The following SH3KBP1 variants were observed in gnomAD, a reference collection of about 807,000 sequenced individuals.
SH3KBP1 encodes SH3 domain containing kinase binding protein 1, also known as SH3 domain-containing kinase-binding protein 1.
A neutral mutation model predicts 50.1 loss-of-function variants in SH3KBP1; 8 were observed. The observed-to-expected ratio is 0.16, with a 90% CI of 0.09 to 0.29. The LOEUF (loss-of-function observed/expected upper bound fraction) is 0.29. SH3KBP1 is among the 10% of genes least tolerant of loss of function. SH3KBP1 has a pLI of 1.00. For synonymous variants in SH3KBP1, 227 were observed against 218.6 expected (o/e 1.04, Z -0.34); for missense variants, 377 against 535.2 (o/e 0.70, Z 2.92).
intron 2 of SH3KBP1, among the ~76,000 whole-genome samples, chrX:19,797,053 T>C: frequency 8.9e-6 from 1 of 112,675 alleles, no homozygotes; most frequent in Non-Finnish European, 1.9e-5. Context: ...AGTTAAGAGC[T>C]GGGGATATGG....
At position 19,754,597 on chromosome X, in the gene SH3KBP1, A is replaced by G. The variant is rs751802860; in HGVS notation, c.163-8156T>C. On this transcript the variant is annotated intron_variant, in intron 2 of 17. Transcript: ENST00000397821. Reference sequence around the variant, plus strand: ...ATTCTCCTGTCTCAGTCTGCCTAGTAGCTGGGATTACAGGCACCCACCACC... The same window carrying G: ...ATTCTCCTGTCTCAGTCTGCCTAGTGGCTGGGATTACAGGCACCCACCACC... Among the ~76,000 whole-genome samples the G allele has an allele frequency of 2.7e-5, 3 of 111,584 alleles. No homozygotes were observed. In the South Asian group the frequency reaches 1.1e-3, roughly 42 times the overall value.
chrX:19,559,496 G>GT (rs1161431388), intron 13 of SH3KBP1, among the ~76,000 whole-genome samples: 10 of 105,604 alleles, frequency 9.5e-5, no homozygotes, highest in Non-Finnish European at 1.9e-4. Context: ...CCACCTAAAA[G>GT]TTTTTTGTAT....
At chrX:19,661,907 G>A (rs1177542144) in intron 6 of SH3KBP1, among the ~76,000 whole-genome samples, 1 of 111,551 alleles carries the variant, frequency 9.0e-6, no homozygotes, top group Non-Finnish European at 1.9e-5. Context: ...GATTACAGGT[G>A]TGAGCCACTG....
chrX:19,615,202 A>G (rs1315108986), intron 8 of SH3KBP1, among the ~76,000 whole-genome samples: 3 of 112,709 alleles, frequency 2.7e-5, no homozygotes, highest in African/African-American at 9.7e-5. Context: ...TTTGAGTTCA[A>G]ATGGGAACAT....
chrX:19,763,725 T>C (rs2065500855), intron 2 of SH3KBP1, among the ~76,000 whole-genome samples: 1 of 111,991 alleles, frequency 8.9e-6, no homozygotes, highest in African/African-American at 3.2e-5. Flanking sequence ...AAGATTATTT[T>C]AAAAGTACAA....
intron 3 of SH3KBP1, among the ~76,000 whole-genome samples, chrX:19,717,552 A>T (rs1209306432): frequency 8.9e-6 from 1 of 111,778 alleles, no homozygotes; most frequent in Non-Finnish European, 1.9e-5. Flanking sequence ...TGGGCAACGG[A>T]GTGAGACTCT....
rs2064675635 is a variant in SH3KBP1, at chrX:19,535,164, T to C, written c.*1253A>G. 1.4e-5 allele frequency: 4 copies of C among 292,748 alleles called. No individual in the cohort carries two copies. The highest frequency in any genetic ancestry group is 1.2e-5 in the Non-Finnish European group (2 of 167,566). The allele number at this position is 292,748 out of a possible 1,213,427, so 24.1% of individuals were successfully genotyped here. On this transcript the variant is annotated 3_prime_UTR_variant, in exon 18 of 18. Transcript: ENST00000397821. ...ACAGTTACATAGTCTAAGGCTGAAC[T>C]GTTCATGTACTACAAAGATAAAGCG...
chrX:19,637,634 T>C lies in SH3KBP1; in HGVS notation c.803-5676A>G, dbSNP rs114689215. ...TTGGGGTATGTTTCCCAATCAATCA[T>C]CCCTGATAAGAATTTTGTGGGGCAC... is the stretch of plus-strand genomic sequence containing the variant. On this transcript the variant is annotated intron_variant, in intron 7 of 17. Transcript: ENST00000397821. Among the ~76,000 whole-genome samples the C allele has an allele frequency of 3.4e-3, 383 of 111,173 alleles. 1 individual carries two copies. The highest frequency in any genetic ancestry group is 0.012 in the African/African-American group (373 of 30,544).
chrX:19,593,455 T>C (rs900274324), intron 10 of SH3KBP1, among the ~76,000 whole-genome samples: 1 of 111,190 alleles, frequency 9.0e-6, no homozygotes, highest in Non-Finnish European at 1.9e-5. Flanking sequence ...GCAAGGAAAG[T>C]TGACGAGGGA....
At chrX:19,574,638 C>T (rs1690634993) in intron 12 of SH3KBP1, among the ~76,000 whole-genome samples, 1 of 112,188 alleles carries the variant, frequency 8.9e-6, no homozygotes, top group Non-Finnish European at 1.9e-5. Flanking sequence ...GCCCCAATGA[C>T]CTAATCACTT....
intron 8 of SH3KBP1, among the ~76,000 whole-genome samples, chrX:19,628,441 AG>A (rs916887522): frequency 9.0e-6 from 1 of 111,021 alleles, no homozygotes; most frequent in African/African-American, 3.3e-5. Flanking sequence ...TCAGACTCAG[AG>A]GGGGTAAGCA....
At chrX:19,886,735 G>A (rs771066417) in intron 1 of SH3KBP1, among the ~76,000 whole-genome samples, 1 of 110,975 alleles carries the variant, frequency 9.0e-6, no homozygotes, top group South Asian at 3.9e-4. Flanking sequence ...GGGGGCGCAA[G>A]GAGAGGAGCG....
intron 4 of SH3KBP1, among the ~76,000 whole-genome samples, chrX:19,705,698 A>G (rs2148670350): frequency 9.0e-6 from 1 of 111,611 alleles, no homozygotes; most frequent in East Asian, 2.8e-4. Flanking sequence ...TTATGAGGCT[A>G]GTTTACAACT....
chrX:19,636,368 C>T (rs2061703968), intron 7 of SH3KBP1, among the ~76,000 whole-genome samples: 1 of 108,528 alleles, frequency 9.2e-6, no homozygotes, highest in African/African-American at 3.3e-5. Flanking sequence ...ACCATACACA[C>T]ACACACTCAA....
intron 6 of SH3KBP1, among the ~76,000 whole-genome samples, chrX:19,657,002 CAGAGT>C (rs1193554942): frequency 9.0e-6 from 1 of 111,569 alleles, no homozygotes; most frequent in Non-Finnish European, 1.9e-5. Context: ...TTCTGTCTTT[CAGAGT>C]AGAGAAGGGA....
chrX:19,806,771 T>A (rs67857414), intron 2 of SH3KBP1, among the ~76,000 whole-genome samples: 10,123 of 112,188 alleles, frequency 0.09, 1,098 homozygotes, highest in African/African-American at 0.3. Flanking sequence ...TAGTTCAACA[T>A]GCATTTACTA....
At chrX:19,711,699 T>C (rs1203778783) in intron 3 of SH3KBP1, among the ~76,000 whole-genome samples, 1 of 108,188 alleles carries the variant, frequency 9.2e-6, no homozygotes, top group Non-Finnish European at 1.9e-5. Context: ...TCCATCAAAT[T>C]AATCAATTAG....
intron 12 of SH3KBP1, among the ~76,000 whole-genome samples, chrX:19,579,163 C>A (rs146822579): frequency 4.5e-5 from 5 of 111,953 alleles, no homozygotes; most frequent in African/African-American, 1.6e-4. Flanking sequence ...GGTGAAGACA[C>A]GCTGGAAGGT....
chrX:19,639,033 G>A (rs1017474308), intron 7 of SH3KBP1, among the ~76,000 whole-genome samples: 4 of 111,862 alleles, frequency 3.6e-5, no homozygotes, highest in Admixed American at 2.8e-4. Flanking sequence ...AGAGGCCAGG[G>A]ATGCTGCCAA....
Sources: gnomAD v4.1 joint callset for allele counts (sites outside exome capture counted in the v4.1 genomes callset) on GRCh38, gnomAD v4.1.1 for gene constraint, MANE v1.5 for transcripts, NCBI Gene and HGNC (gene_info 2026-07-23, HGNC 2026-07-21) for gene names.